Variants in DPP6 observed in about 807,000 individuals in gnomAD.
The protein encoded by DPP6 is dipeptidyl peptidase like 6.
Under a neutral mutation model 122.6 loss-of-function variants are expected in DPP6, and 69 were observed. The observed-to-expected ratio is 0.56, with a 90% confidence interval of 0.46 to 0.69. The LOEUF (loss-of-function observed/expected upper bound fraction) is 0.69. DPP6 is among the 30% of genes least tolerant of loss of function. The pLI is 0.00. For synonymous variants in DPP6, 418 were observed against 433.1 expected (o/e 0.97, Z 0.43); for missense variants, 928 against 1,116.9 (o/e 0.83, Z 2.41).
intron 7 of DPP6, among the ~76,000 whole-genome samples, chr7:154,677,198 C>T (rs916515): frequency 3.9e-5 from 6 of 152,064 alleles, no homozygotes; most frequent in Admixed American, 6.5e-5. Flanking sequence ...TGGACGGAGC[C>T]CATTCCAAGC....
intron 1 of DPP6, among the ~76,000 whole-genome samples, chr7:154,009,981 T>A (rs1280278141): frequency 6.6e-6 from 1 of 152,228 alleles, no homozygotes; most frequent in Non-Finnish European, 1.5e-5. Context: ...GTCGCATAGG[T>A]AATTAAAAGT....
chr7:154,515,146 A>G (rs1305002011), intron 3 of DPP6, among the ~76,000 whole-genome samples: 2 of 152,078 alleles, frequency 1.3e-5, no homozygotes, highest in Non-Finnish European at 2.9e-5. Flanking sequence ...TTTCTGTGTG[A>G]GAGTCTGTTA....
At chr7:154,848,094 A>T (rs7795715) in intron 16 of DPP6, among the ~76,000 whole-genome samples, 24,904 of 152,178 alleles carry the variant, frequency 0.16, 2,048 homozygotes, top group South Asian at 0.23. Flanking sequence ...GGCTGTCTCC[A>T]TGTCTGGACT....
chr7:154,522,012 T>G (rs539652193), intron 3 of DPP6, among the ~76,000 whole-genome samples: 142 of 152,098 alleles, frequency 9.3e-4, no homozygotes, highest in Non-Finnish European at 1.7e-3. Context: ...TCCCGCAGGC[T>G]GGAGTGCAGT....
At chr7:154,312,638 G>A (rs568270821) in intron 1 of DPP6, among the ~76,000 whole-genome samples, 4 of 152,274 alleles carry the variant, frequency 2.6e-5, no homozygotes, top group African/African-American at 4.8e-5. Context: ...AGGGGGCGAT[G>A]GGAGACCAGC....
chr7:154,593,331 A>G (rs1344404572), intron 5 of DPP6, among the ~76,000 whole-genome samples: 1 of 152,228 alleles, frequency 6.6e-6, no homozygotes, highest in Non-Finnish European at 1.5e-5. Context: ...TGCATGGTTA[A>G]TAATTCTGAG....
At chr7:154,342,577 C>G (rs1372310327) in intron 1 of DPP6, among the ~76,000 whole-genome samples, 1 of 152,144 alleles carries the variant, frequency 6.6e-6, no homozygotes, top group Non-Finnish European at 1.5e-5. Context: ...GATTCATCAC[C>G]TTAAGGATAA....
At chr7:154,208,934 T>G (rs181542933) in intron 1 of DPP6, among the ~76,000 whole-genome samples, 4 of 152,202 alleles carry the variant, frequency 2.6e-5, no homozygotes, top group Non-Finnish European at 4.4e-5. Context: ...TCTACTAAAC[T>G]GTTAAATATC....
intron 7 of DPP6, among the ~76,000 whole-genome samples, chr7:154,720,785 C>T (rs150811309): frequency 3.0e-4 from 45 of 152,254 alleles, no homozygotes; most frequent in Non-Finnish European, 3.2e-4. Context: ...TTCACCAGAA[C>T]GGAATGCAAG....
At chr7:154,770,503 C>A (rs1401258766) in intron 9 of DPP6, among the ~76,000 whole-genome samples, 1 of 152,164 alleles carries the variant, frequency 6.6e-6, no homozygotes, top group Non-Finnish European at 1.5e-5. Context: ...CTCTCTGATT[C>A]CACCATGTGA....
chr7:154,383,673 T>G (rs1468243240), intron 1 of DPP6, among the ~76,000 whole-genome samples: 1 of 152,090 alleles, frequency 6.6e-6, no homozygotes, highest in African/African-American at 2.4e-5. Flanking sequence ...GCAGATCACC[T>G]GAGGTCAGGA....
At position 153,970,880 on chromosome 7, in the gene DPP6, G is replaced by A. The variant is rs115442410; in HGVS notation, c.51+83146G>A. Among the ~76,000 whole-genome samples, 1,031 of 152,188 alleles carry A rather than the reference G, an allele frequency of 6.8e-3. 6 individuals are homozygous for A. Among genetic ancestry groups the A allele is most frequent in the African/African-American group, 0.023 (941 of 41,534 alleles). ...ACCTTTGCAACATTATTACAGTCTTGATTACTGTAACTTTTAAAAAGACTT... is the reference window on the plus strand; with the variant it reads ...ACCTTTGCAACATTATTACAGTCTTAATTACTGTAACTTTTAAAAAGACTT... On this transcript the variant is annotated intron_variant, in intron 1 of 25. Transcript: ENST00000404039.
chr7:154,547,105 T>C (rs1394697952), intron 4 of DPP6, among the ~76,000 whole-genome samples: 2 of 152,224 alleles, frequency 1.3e-5, no homozygotes, highest in Non-Finnish European at 2.9e-5. Flanking sequence ...AGGAACAGGC[T>C]GGCCCCCGGG....
the DPP6 span, among the ~76,000 whole-genome samples, chr7:153,879,677 C>G: frequency 3.9e-5 from 6 of 152,334 alleles, no homozygotes; most frequent in African/African-American, 9.6e-5. Context: ...GCATGAGTCA[C>G]TGTGCCTGGT....
At chr7:154,668,937 A>C (rs1024664613) in intron 6 of DPP6, among the ~76,000 whole-genome samples, 1 of 152,226 alleles carries the variant, frequency 6.6e-6, no homozygotes, top group Non-Finnish European at 1.5e-5. Flanking sequence ...CAGGTTTGTA[A>C]GGTCATAATG....
chr7:154,328,308 G>T (rs11765165), intron 1 of DPP6, among the ~76,000 whole-genome samples: 1 of 152,158 alleles, frequency 6.6e-6, no homozygotes, highest in Non-Finnish European at 1.5e-5. Flanking sequence ...GGCATTCCAA[G>T]GCTCTTGAAG....
intron 3 of DPP6, among the ~76,000 whole-genome samples, chr7:154,520,166 T>G (rs982512441): frequency 6.6e-6 from 1 of 152,202 alleles, no homozygotes; most frequent in African/African-American, 2.4e-5. Flanking sequence ...GCAGAAAGAT[T>G]AAAATAATAC....
At chr7:154,378,209 C>T (rs1385637424) in intron 1 of DPP6, among the ~76,000 whole-genome samples, 1 of 152,198 alleles carries the variant, frequency 6.6e-6, no homozygotes, top group Non-Finnish European at 1.5e-5. Flanking sequence ...GTTTATACAT[C>T]ATTTTTCACC....
chr7:154,153,500 A>G (rs1328799091), intron 1 of DPP6, among the ~76,000 whole-genome samples: 1 of 152,184 alleles, frequency 6.6e-6, no homozygotes, highest in East Asian at 1.9e-4. Context: ...TTACTTTTAG[A>G]TAAAAGGCAC....
Sources: gnomAD v4.1 joint callset for allele counts (sites outside exome capture counted in the v4.1 genomes callset) on GRCh38, gnomAD v4.1.1 for gene constraint, MANE v1.5 for transcripts, NCBI Gene and HGNC (gene_info 2026-07-23, HGNC 2026-07-21) for gene names.